Variants in CNTN6 observed in about 807,000 individuals in gnomAD.
CNTN6 encodes the protein contactin 6.
A neutral mutation model predicts 122.8 loss-of-function variants in CNTN6; 137 were observed. The ratio of observed to expected loss-of-function variants is 1.12; its 90% CI spans 0.97 to 1.29. The LOEUF is 1.29. Among genes scored for constraint, CNTN6 ranks in the 50% most tolerant of loss-of-function variants. The pLI is 0.00. For synonymous variants in CNTN6, 570 were observed against 426.0 expected, an observed-to-expected ratio of 1.34 and a Z score of -4.16; for missense variants, 1,634 against 1,223.4, an observed-to-expected ratio of 1.34 and a Z score of -5.01.
intron 4 of CNTN6, among the ~76,000 whole-genome samples, chr3:1,272,344 C>A (rs17036955): frequency 1.3e-5 from 2 of 152,140 alleles, no homozygotes; most frequent in South Asian, 2.1e-4. Flanking sequence ...CCTCAATTTC[C>A]TCCTTCGCTA....
intron 10 of CNTN6, among the ~76,000 whole-genome samples, chr3:1,329,540 G>A (rs1702000765): frequency 6.6e-6 from 1 of 151,692 alleles, no homozygotes; most frequent in African/African-American, 2.4e-5. Flanking sequence ...CCCTGCAACT[G>A]TTACATCATT....
At chr3:1,289,825 A>C (rs148048201) in intron 5 of CNTN6, among the ~76,000 whole-genome samples, 15,456 of 151,862 alleles carry the variant, frequency 0.1, 2,678 homozygotes, top group African/African-American at 0.35. Context: ...CAGGTGCCCA[A>C]CACCACGCCC....
intron 2 of CNTN6, among the ~76,000 whole-genome samples, chr3:1,195,238 A>G (rs897228339): frequency 4.6e-5 from 7 of 151,862 alleles, no homozygotes; most frequent in African/African-American, 7.3e-5. Context: ...GTTTTTCTCC[A>G]CTTTCTCTGC....
At chr3:1,158,428 T>A (rs2093026276) in intron 2 of CNTN6, among the ~76,000 whole-genome samples, 1 of 152,216 alleles carries the variant, frequency 6.6e-6, no homozygotes, top group Non-Finnish European at 1.5e-5. Context: ...ATATTCTGGT[T>A]ATTAGTCCCT....
At chr3:1,185,510 A>G (rs933070513) in intron 2 of CNTN6, among the ~76,000 whole-genome samples, 1 of 152,176 alleles carries the variant, frequency 6.6e-6, no homozygotes, top group Non-Finnish European at 1.5e-5. Flanking sequence ...AGTATGAAAC[A>G]CTTTGTCTGT....
At chr3:1,138,762 G>C (rs1229668360) in intron 1 of CNTN6, among the ~76,000 whole-genome samples, 3 of 151,190 alleles carry the variant, frequency 2.0e-5, no homozygotes, top group Admixed American at 6.6e-5. Context: ...TAAAAAATTT[G>C]GAATATATGA....
intron 4 of CNTN6, among the ~76,000 whole-genome samples, chr3:1,270,470 G>T (rs753539915): frequency 1.1e-4 from 16 of 152,280 alleles, no homozygotes; most frequent in Non-Finnish European, 1.6e-4. Context: ...TTTTCTTGGT[G>T]TCTTTCACCA....
At chr3:1,299,455 A>C (rs937147333) in intron 7 of CNTN6, among the ~76,000 whole-genome samples, 1 of 152,198 alleles carries the variant, frequency 6.6e-6, no homozygotes, top group African/African-American at 2.4e-5. Flanking sequence ...GTCTTCCACA[A>C]TAAAATAATT....
intron 20 of CNTN6, among the ~76,000 whole-genome samples, chr3:1,387,812 GA>G (rs1693294175): frequency 6.6e-6 from 1 of 152,156 alleles, no homozygotes; most frequent in Non-Finnish European, 1.5e-5. Context: ...GACGCACCTG[GA>G]AAATTGGGTC....
rs777117620 is a variant in CNTN6 at position 1,377,021 on chromosome 3, A to G, written c.2112A>G (p.Pro704=). 3 of 1,602,322 alleles carry G rather than the reference A, an allele frequency of 1.9e-6. No individual in the cohort carries two copies. In the Admixed American group the frequency reaches 5.1e-5, roughly 27 times the overall value. The change falls in exon 17 of 23, where the codon CCA becomes CCG. Residue 704 remains proline, a synonymous_variant. Coordinates refer to ENST00000446702, the MANE Select transcript of CNTN6 (RefSeq NM_001289080.2). ...RTKASVPVVA[P]VNIHGGGGSR... is the part of the protein sequence containing the mutation. ...TATTTTTAGTCCCTGTTGTGGCACC[A>G]GTAAACATCCATGGAGGTGGAGGAA...
rs150663928 is a variant in CNTN6, at chr3:1,150,393, A to G, written c.55+2330A>G. Among the ~76,000 whole-genome samples, 103 of 152,272 alleles carry G rather than the reference A, an allele frequency of 6.8e-4. No homozygotes were observed. The East Asian group carries it at 0.015, about 23-fold the overall frequency. ...ATTTTTCTAACAGGTTGATACTTTAAATCTCCCTAGACTCTAAATTAAAAC... is the reference window on the plus strand; with the variant it reads ...ATTTTTCTAACAGGTTGATACTTTAGATCTCCCTAGACTCTAAATTAAAAC... On this transcript the variant is annotated intron_variant, in intron 2 of 22. Coordinates refer to ENST00000446702, the MANE Select transcript of CNTN6 (RefSeq NM_001289080.2).
intron 2 of CNTN6, among the ~76,000 whole-genome samples, chr3:1,206,789 G>GT (rs1300252806): frequency 2.6e-5 from 4 of 152,102 alleles, no homozygotes; most frequent in African/African-American, 7.2e-5. Context: ...GCAGTGGAAT[G>GT]TTTTTTACTC....
rs374175234 is a variant in CNTN6 at position 1,160,103 on chromosome 3, G to A, written c.55+12040G>A. On this transcript the variant is annotated intron_variant, in intron 2 of 22. Coordinates refer to ENST00000446702, the MANE Select transcript of CNTN6 (RefSeq NM_001289080.2). ...CAAAGTGCTGGGATTACAGACATCA[G>A]CCACCACGCCCGGCCAATCATTCAG... Among the ~76,000 whole-genome samples, 12 of 152,126 alleles carry A rather than the reference G, an allele frequency of 7.9e-5. No homozygotes were observed. The East Asian group carries it at 1.7e-3, about 22-fold the overall frequency.
At chr3:1,337,283 G>A (rs1270768466) in intron 11 of CNTN6, among the ~76,000 whole-genome samples, 3 of 152,100 alleles carry the variant, frequency 2.0e-5, no homozygotes, top group Non-Finnish European at 2.9e-5. Context: ...GAGTCTGGCT[G>A]CCTGAATGCA....
rs377642286 is a variant in CNTN6, at chr3:1,119,353, G to GT, written c.-83+26233_-83+26234insT. 9.3e-3 allele frequency among the ~76,000 whole-genome samples: 1,402 copies of GT among 150,254 alleles called. 33 individuals are homozygous for GT. The highest frequency in any genetic ancestry group is 0.032 in the African/African-American group (1,331 of 40,988). On this transcript the variant is annotated intron_variant, in intron 1 of 22. Transcript: ENST00000446702. The stretch of plus-strand genomic sequence containing the variant: ...TGTGTGTGTGTGTGTGTGTGTGTGT[G>GT]GAGAATGTCTCTTTGGCCCAGATAA...
At chr3:1,359,954 G>A (rs1046122482) in intron 12 of CNTN6, among the ~76,000 whole-genome samples, 2 of 151,920 alleles carry the variant, frequency 1.3e-5, no homozygotes, top group African/African-American at 2.4e-5. Context: ...TATCTCAATA[G>A]TCTCCCTTCA....
intron 2 of CNTN6, among the ~76,000 whole-genome samples, chr3:1,191,675 G>T (rs1484918319): frequency 6.6e-6 from 1 of 152,176 alleles, no homozygotes. Context: ...GAGCAGAAGT[G>T]TGGACACCCT....
intron 10 of CNTN6, among the ~76,000 whole-genome samples, chr3:1,328,096 C>A (rs185879575): frequency 1.1e-3 from 164 of 151,782 alleles, no homozygotes; most frequent in African/African-American, 3.2e-3. Context: ...ATGCTCAAGG[C>A]AGAAGAGCGA....
At chr3:1,230,649 C>A (rs1454606479) in intron 4 of CNTN6, among the ~76,000 whole-genome samples, 1 of 152,168 alleles carries the variant, frequency 6.6e-6, no homozygotes, top group Non-Finnish European at 1.5e-5. Context: ...GCTATCATTG[C>A]CCCCATTTTA....
Sources: gnomAD v4.1 joint callset for allele counts (sites outside exome capture counted in the v4.1 genomes callset) on GRCh38, gnomAD v4.1.1 for gene constraint, MANE v1.5 for transcripts, NCBI Gene and HGNC (gene_info 2026-07-23, HGNC 2026-07-21) for gene names.